The following CSTF3 variants were observed in gnomAD, a reference collection of about 807,000 sequenced individuals.
The protein encoded by CSTF3 is cleavage stimulation factor subunit 3.
In CSTF3, 29 loss-of-function variants were observed where a neutral mutation model predicts 105.8. That is an observed-to-expected ratio of 0.27 (90% CI 0.20 to 0.37). CSTF3 has a LOEUF of 0.37. CSTF3 is among the 10% of genes least tolerant of loss of function. The pLI, the probability that CSTF3 is intolerant of heterozygous loss-of-function variation, is 1.00. For missense variants in CSTF3, 357 were observed against 879.3 expected (o/e 0.41, Z 7.51); for synonymous variants, 252 against 281.9 (o/e 0.89, Z 1.06).
intron 17 of CSTF3, among the ~76,000 whole-genome samples, chr11:33,088,287 CTCTT>C (rs1449206947): frequency 4.6e-4 from 66 of 142,702 alleles, no homozygotes; most frequent in African/African-American, 1.7e-3. Flanking sequence ...AATACTTACT[CTCTT>C]TTTTTTTTTT....
intron 1 of CSTF3, among the ~76,000 whole-genome samples, chr11:33,152,686 C>T (rs1351090213): frequency 6.6e-6 from 1 of 152,102 alleles, no homozygotes; most frequent in Non-Finnish European, 1.5e-5. Flanking sequence ...TTGGGCCGGG[C>T]GCGGTGACTC....
At position 33,140,130 on chromosome 11, in the gene CSTF3, G is replaced by A. The variant is rs573510000; in HGVS notation, c.225+1537C>T. On this transcript the variant is annotated intron_variant, in intron 3 of 20. Transcript: ENST00000323959. ...TATCAATTATTTTCATTTCTGGTGC[G>A]TTTGAATTTAAGTCTAATGTGTTTC... Among the ~76,000 whole-genome samples, 47 of 152,058 alleles carry A rather than the reference G, an allele frequency of 3.1e-4. No individual in the cohort carries two copies. The South Asian group carries it at 6.8e-3, about 22-fold the overall frequency.
At chr11:33,134,137 A>G (rs938952683) in intron 3 of CSTF3, among the ~76,000 whole-genome samples, 1 of 152,224 alleles carries the variant, frequency 6.6e-6, no homozygotes, top group Non-Finnish European at 1.5e-5. Context: ...AGTGCAAAAT[A>G]TATATGGGAG....
chr11:33,141,775 A>G lies in CSTF3; in HGVS notation c.130-13T>C, dbSNP rs1855714792. 1.3e-6 allele frequency: 2 copies of G among 1,584,564 alleles called. No individual in the cohort carries two copies. The highest frequency in any genetic ancestry group is 1.7e-6 in the Non-Finnish European group (2 of 1,171,814). ...CTATAGGTTGATTCTAAAATTGAAA[A>G]CCAATAAACAGCATTTACAATGTTA... On this transcript the variant is annotated splice_polypyrimidine_tract_variant and intron_variant, in intron 2 of 20. Coordinates refer to ENST00000323959, the MANE Select transcript of CSTF3 (RefSeq NM_001326.3).
At chr11:33,098,921 C>CATCA in intron 12 of CSTF3, 113 bp downstream of exon 12, 1 of 1,425,398 alleles carries the variant, frequency 7.0e-7, no homozygotes. Context: ...GTTCATTTGG[C>CATCA]ATCATCTCTG....
At chr11:33,105,043 C>T (rs1412678991) in intron 8 of CSTF3, among the ~76,000 whole-genome samples, 1 of 152,156 alleles carries the variant, frequency 6.6e-6, no homozygotes, top group Non-Finnish European at 1.5e-5. Flanking sequence ...GCCACCATGC[C>T]CAGCCAAGGA....
intron 14 of CSTF3, 119 bp downstream of exon 14, chr11:33,096,716 G>C: frequency 1.0e-6 from 1 of 959,040 alleles, no homozygotes; most frequent in South Asian, 1.7e-5. Context: ...GATACACTTA[G>C]ACTGCCTTTA....
intron 10 of CSTF3, among the ~76,000 whole-genome samples, chr11:33,100,636 T>C (rs757967764): frequency 9.9e-5 from 15 of 152,092 alleles, no homozygotes; most frequent in Admixed American, 3.3e-4. Context: ...ATCAAAAGGA[T>C]TATGATGATG....
At chr11:33,152,981 T>A (rs1039447570) in intron 1 of CSTF3, among the ~76,000 whole-genome samples, 1 of 151,706 alleles carries the variant, frequency 6.6e-6, no homozygotes, top group Non-Finnish European at 1.5e-5. Context: ...CAATAATAAT[T>A]GAGGAGCCCA....
chr11:33,140,494 CCCA>C (rs1186328489), intron 3 of CSTF3, among the ~76,000 whole-genome samples: 1 of 151,864 alleles, frequency 6.6e-6, no homozygotes, highest in Admixed American at 6.6e-5. Flanking sequence ...AATTTCCCTC[CCCA>C]CCAAGTAATA....
At chr11:33,143,869 A>T (rs1454459945) in intron 1 of CSTF3, among the ~76,000 whole-genome samples, 1 of 151,796 alleles carries the variant, frequency 6.6e-6, no homozygotes. Context: ...GGGCGCCTGT[A>T]GTCCCAGCTA....
At chr11:33,153,731 A>G (rs1849819576) in intron 1 of CSTF3, among the ~76,000 whole-genome samples, 1 of 151,078 alleles carries the variant, frequency 6.6e-6, no homozygotes, top group South Asian at 2.1e-4. Flanking sequence ...AAAAAAAGAT[A>G]ATTCTCTTTC....
intron 3 of CSTF3, among the ~76,000 whole-genome samples, chr11:33,118,784 T>C (rs1017321687): frequency 2.0e-5 from 3 of 151,712 alleles, no homozygotes; most frequent in African/African-American, 7.2e-5. Flanking sequence ...AATTCCATAC[T>C]GCACAGCCAG....
intron 1 of CSTF3, among the ~76,000 whole-genome samples, chr11:33,151,994 T>C (rs1849789239): frequency 1.3e-5 from 2 of 152,338 alleles, no homozygotes; most frequent in Middle Eastern, 3.4e-3. Context: ...ACATCTTCTT[T>C]GGAGAAATGT....
intron 3 of CSTF3, among the ~76,000 whole-genome samples, chr11:33,119,497 C>A (rs1432782073): frequency 6.6e-6 from 1 of 151,760 alleles, no homozygotes. Context: ...CAGGATTAAA[C>A]TTCCACAATG....
At chr11:33,128,273 G>A (rs1264883830) in intron 3 of CSTF3, among the ~76,000 whole-genome samples, 2 of 151,842 alleles carry the variant, frequency 1.3e-5, no homozygotes, top group South Asian at 2.1e-4. Context: ...TTCCTCAATC[G>A]CTATGAAGAC....
chr11:33,144,106 T>C (rs1855749130), intron 1 of CSTF3, among the ~76,000 whole-genome samples: 1 of 150,362 alleles, frequency 6.7e-6, no homozygotes, highest in Non-Finnish European at 1.5e-5. Context: ...ACTGCCCCTA[T>C]CACTTTTCTC....
At chr11:33,121,328 C>CT (rs1444233745) in intron 3 of CSTF3, among the ~76,000 whole-genome samples, 1 of 152,024 alleles carries the variant, frequency 6.6e-6, no homozygotes, top group East Asian at 1.9e-4. Context: ...AGTCTACGTA[C>CT]TTATCTCCAG....
At chr11:33,161,228 T>C (rs1050009039) in intron 1 of CSTF3, 71 bp downstream of exon 1, 14 of 1,567,226 alleles carry the variant, frequency 8.9e-6, no homozygotes, top group African/African-American at 2.7e-5. Context: ...CAGCCGAACA[T>C]GTCTGGAGCA....
Sources: allele counts gnomAD v4.1 joint callset (sites outside exome capture counted in the v4.1 genomes callset), GRCh38; gene constraint gnomAD v4.1.1; transcripts MANE v1.5; gene names NCBI Gene and HGNC (gene_info 2026-07-23, HGNC 2026-07-21).